Variants in RABGAP1 observed in about 807,000 individuals in gnomAD.
RABGAP1 encodes rab GTPase-activating protein 1.
In RABGAP1, 23 loss-of-function variants were observed where a neutral mutation model predicts 137.6. The observed-to-expected ratio is 0.17, with a 90% CI of 0.12 to 0.24. RABGAP1 has a LOEUF of 0.24. Among genes scored for constraint, RABGAP1 ranks in the 10% least tolerant of loss-of-function variants. The pLI, the probability that RABGAP1 is intolerant of heterozygous loss-of-function variation, is 1.00. For missense variants in RABGAP1, 906 were observed against 1,275.8 expected (o/e 0.71, Z 4.42); for synonymous variants, 451 against 450.7 (o/e 1.00, Z -0.01).
chr9:123,002,080 T>A (rs1161714265), intron 10 of RABGAP1, among the ~76,000 whole-genome samples: 1 of 152,140 alleles, frequency 6.6e-6, no homozygotes, highest in African/African-American at 2.4e-5. Context: ...GGCTGGCGGA[T>A]CACCTGAGGT....
intron 13 of RABGAP1, among the ~76,000 whole-genome samples, chr9:123,025,628 A>C (rs993136797): frequency 1.4e-5 from 2 of 138,530 alleles, no homozygotes; most frequent in African/African-American, 5.4e-5. Flanking sequence ...GTTCCTAAGA[A>C]TTAACTTAGC....
chr9:123,104,210 GGTT>G lies in RABGAP1; in HGVS notation c.*1000_*1002del, dbSNP rs2035434171. The G allele has an allele frequency of 6.6e-6, 1 of 152,560 alleles. No homozygotes were observed. The highest frequency in any genetic ancestry group is 6.5e-5 in the Admixed American group (1 of 15,274). 9.5% of individuals were successfully genotyped at this position (152,560 alleles called of 1,614,324 possible). On this transcript the variant is annotated 3_prime_UTR_variant, in exon 26 of 26. Coordinates refer to ENST00000373647, the MANE Select transcript of RABGAP1 (RefSeq NM_012197.4). ...AGATTCCTAGTGTTTTTGCACAACAGGTTGTCCAAGTGAGAAAGACTGAGTTGC... is the reference window on the plus strand; with the variant it reads ...AGATTCCTAGTGTTTTTGCACAACAGGTCCAAGTGAGAAAGACTGAGTTGC...
At chr9:123,086,604 A>G (rs1187923170) in intron 19 of RABGAP1, among the ~76,000 whole-genome samples, 1 of 150,352 alleles carries the variant, frequency 6.7e-6, no homozygotes, top group Non-Finnish European at 1.5e-5. Context: ...GTATGCAGCC[A>G]CCCATGCTGC....
chr9:122,983,181 CA>C, intron 2 of RABGAP1, among the ~76,000 whole-genome samples: 1 of 147,038 alleles, frequency 6.8e-6, no homozygotes, highest in Non-Finnish European at 1.5e-5. Flanking sequence ...AAAAAAAAAA[CA>C]AAAACTTTTT....
chr9:123,030,710 C>A (rs1209913415), intron 13 of RABGAP1, among the ~76,000 whole-genome samples: 1 of 152,120 alleles, frequency 6.6e-6, no homozygotes, highest in African/African-American at 2.4e-5. Flanking sequence ...TCAGTAACCT[C>A]CTTCTAGCTA....
chr9:122,970,621 A>G (rs1222318035), intron 2 of RABGAP1, among the ~76,000 whole-genome samples: 3 of 151,846 alleles, frequency 2.0e-5, no homozygotes, highest in Admixed American at 6.6e-5. Flanking sequence ...TTCCCTTCCT[A>G]CCCTCTGTTG....
chr9:123,013,353 A>T (rs1170655581), intron 11 of RABGAP1, among the ~76,000 whole-genome samples: 1 of 148,714 alleles, frequency 6.7e-6, no homozygotes, highest in Non-Finnish European at 1.5e-5. Flanking sequence ...TTTTTTTGAG[A>T]TGGAGTCTCG....
At chr9:123,053,728 TAAG>T (rs757701001) in intron 13 of RABGAP1, among the ~76,000 whole-genome samples, 5 of 152,214 alleles carry the variant, frequency 3.3e-5, no homozygotes, top group Admixed American at 6.5e-5. Flanking sequence ...GGATTAATCT[TAAG>T]AAGAACTAAC....
chr9:122,993,772 T>C (rs1382190761), intron 6 of RABGAP1, among the ~76,000 whole-genome samples: 1 of 152,038 alleles, frequency 6.6e-6, no homozygotes, highest in East Asian at 1.9e-4. Flanking sequence ...CAAGTGATTC[T>C]CCTGCCTCAG....
At chr9:123,021,102 G>A (rs972156135) in intron 13 of RABGAP1, among the ~76,000 whole-genome samples, 1 of 152,100 alleles carries the variant, frequency 6.6e-6, no homozygotes, top group African/African-American at 2.4e-5. Flanking sequence ...AATTCTTGAA[G>A]TGTTTATCTT....
intron 13 of RABGAP1, among the ~76,000 whole-genome samples, chr9:123,028,048 T>C (rs553548470): frequency 1.1e-4 from 16 of 152,248 alleles, no homozygotes; most frequent in Non-Finnish European, 2.2e-4. Context: ...TCCTGAATTA[T>C]AAGACTGGAA....
chr9:123,049,202 T>C (rs888326939), intron 13 of RABGAP1, among the ~76,000 whole-genome samples: 46 of 143,906 alleles, frequency 3.2e-4, no homozygotes, highest in African/African-American at 1.1e-3. Context: ...TAAAGGAGCT[T>C]ATTTGGCAAA....
chr9:123,038,671 A>T (rs1820108432), intron 13 of RABGAP1, among the ~76,000 whole-genome samples: 2 of 152,060 alleles, frequency 1.3e-5, no homozygotes, highest in Non-Finnish European at 2.9e-5. Flanking sequence ...TGAAGTCCTC[A>T]TAAATCATTT....
chr9:123,073,267 T>A (rs1233044911), intron 15 of RABGAP1, among the ~76,000 whole-genome samples: 1 of 152,236 alleles, frequency 6.6e-6, no homozygotes, highest in African/African-American at 2.4e-5. Context: ...GTTCTTGTAT[T>A]ATCACTGATG....
chr9:123,086,341 G>C (rs2034863747), intron 19 of RABGAP1, among the ~76,000 whole-genome samples: 1 of 152,194 alleles, frequency 6.6e-6, no homozygotes, highest in African/African-American at 2.4e-5. Flanking sequence ...CAGTAATTCA[G>C]CAAGCATTTC....
At chr9:123,072,567 T>A (rs985680711) in intron 15 of RABGAP1, among the ~76,000 whole-genome samples, 1 of 152,174 alleles carries the variant, frequency 6.6e-6, no homozygotes. Flanking sequence ...TGAGGGGAGA[T>A]GGGCTACTTA....
At chr9:122,945,260 T>A (rs550749956) in intron 1 of RABGAP1, 1 of 151,324 alleles carries the variant, frequency 6.6e-6, no homozygotes, top group Non-Finnish European at 1.5e-5. Context: ...GTAACAATAT[T>A]GGATAGACGT....
intron 12 of RABGAP1, among the ~76,000 whole-genome samples, chr9:123,018,619 G>A (rs1176553329): frequency 6.6e-6 from 1 of 152,228 alleles, no homozygotes. Flanking sequence ...AACTATGTCT[G>A]TTCTTTCTGC....
Position 123,072,697 on chromosome 9 carries a change from A to G in RABGAP1, c.1984-855A>G, listed in dbSNP as rs537072212. On this transcript the variant is annotated intron_variant, in intron 15 of 25. Transcript: ENST00000373647. ...TTGCCCCAGATACTCTTAACTTACC[A>G]GTAATGATCTGCTATGCTTTTCTCA... Among the ~76,000 whole-genome samples, 20 of 152,322 alleles carry G rather than the reference A, an allele frequency of 1.3e-4. No homozygotes were observed. The South Asian group carries it at 3.9e-3, about 30-fold the overall frequency.
Sources: allele counts gnomAD v4.1 joint callset (sites outside exome capture counted in the v4.1 genomes callset), GRCh38; gene constraint gnomAD v4.1.1; transcripts MANE v1.5; gene names NCBI Gene and HGNC (gene_info 2026-07-23, HGNC 2026-07-21).